The following TRAPPC3L variants were observed in gnomAD, a reference collection of about 807,000 sequenced individuals.
The protein encoded by TRAPPC3L is trafficking protein particle complex subunit 3L.
In TRAPPC3L, 23 loss-of-function variants were observed where a neutral mutation model predicts 23.7. The observed-to-expected ratio is 0.97, with a 90% confidence interval of 0.70 to 1.37. TRAPPC3L has a LOEUF of 1.37. TRAPPC3L is among the 40% of genes most tolerant of loss of function. The pLI is 0.00. For synonymous variants in TRAPPC3L, 81 were observed against 77.9 expected, an observed-to-expected ratio of 1.04 and a Z score of -0.21; for missense variants, 212 against 216.8, an observed-to-expected ratio of 0.98 and a Z score of 0.14.
intron 3 of TRAPPC3L, among the ~76,000 whole-genome samples, chr6:116,510,100 G>C (rs1359682419): frequency 2.6e-5 from 4 of 152,122 alleles, no homozygotes; most frequent in Non-Finnish European, 4.4e-5. Flanking sequence ...AATCATTAGG[G>C]AAATGTAAAC....
At chr6:116,522,648 T>C (rs1175644116) in intron 3 of TRAPPC3L, 1 of 152,142 alleles carries the variant, frequency 6.6e-6, no homozygotes, top group Non-Finnish European at 1.5e-5. Flanking sequence ...TACAAACATA[T>C]TATTGGGAGG....
intron 3 of TRAPPC3L, among the ~76,000 whole-genome samples, chr6:116,509,022 C>T (rs1250125726): frequency 6.6e-6 from 1 of 150,782 alleles, no homozygotes; most frequent in Non-Finnish European, 1.5e-5. Flanking sequence ...AAATCAGTAG[C>T]CCTGCTATAC....
At chr6:116,541,233 T>A (rs1289783318) in intron 2 of TRAPPC3L, among the ~76,000 whole-genome samples, 1 of 152,164 alleles carries the variant, frequency 6.6e-6, no homozygotes, top group African/African-American at 2.4e-5. Flanking sequence ...AACGACTAGA[T>A]TTCCCAGAAG....
At chr6:116,531,772 T>C (rs1246008695) in intron 3 of TRAPPC3L, among the ~76,000 whole-genome samples, 2 of 151,942 alleles carry the variant, frequency 1.3e-5, no homozygotes, top group Admixed American at 6.6e-5. Context: ...GACCTCAGAG[T>C]AGCAGAATGA....
intron 3 of TRAPPC3L, chr6:116,512,311 G>A: frequency 6.9e-7 from 1 of 1,443,406 alleles, no homozygotes; most frequent in African/African-American, 1.4e-5. Flanking sequence ...TTCAGCCAGG[G>A]CTGTCTGTGT....
chr6:116,517,522 A>T (rs1772251996), intron 3 of TRAPPC3L: 3 of 152,188 alleles, frequency 2.0e-5, no homozygotes, highest in Admixed American at 2.0e-4. Flanking sequence ...AGTTTGAGAA[A>T]GCTGAATATT....
At chr6:116,542,176 CT>C (rs1200776230) in intron 2 of TRAPPC3L, among the ~76,000 whole-genome samples, 1 of 152,016 alleles carries the variant, frequency 6.6e-6, no homozygotes, top group African/African-American at 2.4e-5. Context: ...GTAAAATAAC[CT>C]TAACATTCCT....
chr6:116,540,257 A>C (rs1397345704), intron 3 of TRAPPC3L, 106 bp downstream of exon 3: 1 of 1,027,914 alleles, frequency 9.7e-7, no homozygotes, highest in African/African-American at 1.6e-5. Flanking sequence ...TCAGCACCTA[A>C]CAATGAATGC....
intron 3 of TRAPPC3L, among the ~76,000 whole-genome samples, chr6:116,501,230 GC>G (rs1771908111): frequency 6.6e-6 from 1 of 152,228 alleles, no homozygotes; most frequent in South Asian, 2.1e-4. Context: ...CGCCCATGGA[GC>G]CTTGCTCACT....
At position 116,527,520 on chromosome 6, in the gene TRAPPC3L, A is replaced by AC. The variant is rs35067255; in HGVS notation, c.240+12842_240+12843insG. 5.7e-4 allele frequency among the ~76,000 whole-genome samples: 9 copies of AC among 15,902 alleles called. No homozygotes were observed. In the Admixed American group the frequency reaches 7.2e-3, roughly 13 times the overall value. 10.4% of individuals were successfully genotyped at this position (15,902 alleles called of 152,430 possible). On this transcript the variant is annotated intron_variant, in intron 3 of 4. Coordinates refer to ENST00000368602, the MANE Select transcript of TRAPPC3L (RefSeq NM_001139444.3). ...ACAGAGCGAGACTCCGTCTCAAAAC[A>AC]AAAAAAAAAAAAAAAAAAAGATTCC... is the stretch of plus-strand genomic sequence containing the variant.
At chr6:116,543,808 T>C in intron 1 of TRAPPC3L, 1 of 1,533,940 alleles carries the variant, frequency 6.5e-7, no homozygotes, top group East Asian at 2.4e-5. Flanking sequence ...GTCTGCACAA[T>C]CCCTAATGGC....
At chr6:116,531,599 G>A (rs1772728938) in intron 3 of TRAPPC3L, among the ~76,000 whole-genome samples, 1 of 152,002 alleles carries the variant, frequency 6.6e-6, no homozygotes, top group African/African-American at 2.4e-5. Context: ...AACCCTAAAG[G>A]TCTGACATAA....
At chr6:116,532,265 CT>C (rs568617779) in intron 3 of TRAPPC3L, among the ~76,000 whole-genome samples, 2 of 151,926 alleles carry the variant, frequency 1.3e-5, no homozygotes, top group Non-Finnish European at 2.9e-5. Context: ...TCTTTTTTGT[CT>C]TTTTTTTCCT....
At chr6:116,520,522 G>T (rs1772313220) in intron 3 of TRAPPC3L, 2 of 152,168 alleles carry the variant, frequency 1.3e-5, no homozygotes, top group Non-Finnish European at 2.9e-5. Context: ...GCATCTATCT[G>T]TGTTTGTCAG....
chr6:116,511,919 AGACTCT>A, intron 3 of TRAPPC3L: 3 of 1,613,994 alleles, frequency 1.9e-6, no homozygotes, highest in Non-Finnish European at 1.7e-6. Flanking sequence ...TAGGTCGTGG[AGACTCT>A]TCACAGGCTG....
chr6:116,511,481 T>C (rs1490823654), intron 3 of TRAPPC3L, among the ~76,000 whole-genome samples: 1 of 152,198 alleles, frequency 6.6e-6, no homozygotes, highest in East Asian at 1.9e-4. Flanking sequence ...GCATTTAGGC[T>C]GCAGTATCAC....
chr6:116,543,208 G>A (rs1773569732), intron 2 of TRAPPC3L, 95 bp downstream of exon 2: 1 of 856,398 alleles, frequency 1.2e-6, no homozygotes, highest in African/African-American at 1.7e-5. Context: ...AGAACAGCTG[G>A]TGAAATGAAG....
At chr6:116,543,750 C>T (rs751144541) in intron 1 of TRAPPC3L, 31 of 1,307,970 alleles carry the variant, frequency 2.4e-5, no homozygotes, top group Non-Finnish European at 3.0e-5. Flanking sequence ...AAATATATGC[C>T]ATCCATGTTT....
chr6:116,506,216 G>A (rs771026442), intron 3 of TRAPPC3L, among the ~76,000 whole-genome samples: 10 of 152,176 alleles, frequency 6.6e-5, no homozygotes, highest in Non-Finnish European at 1.2e-4. Context: ...GATATGAACA[G>A]ACACTTGTCA....
Sources: allele counts gnomAD v4.1 joint callset (sites outside exome capture counted in the v4.1 genomes callset), GRCh38; gene constraint gnomAD v4.1.1; transcripts MANE v1.5; gene names NCBI Gene and HGNC (gene_info 2026-07-23, HGNC 2026-07-21).